The following SPSB4 variants were observed in gnomAD, a reference collection of about 807,000 sequenced individuals.
The protein encoded by SPSB4 is splA/ryanodine receptor domain and SOCS box containing 4.
A neutral mutation model predicts 20.9 loss-of-function variants in SPSB4; 21 were observed. The ratio of observed to expected loss-of-function variants is 1.01; its 90% CI spans 0.71 to 1.45. The LOEUF is 1.45. Ranked by LOEUF, SPSB4 falls within the 40% of genes most tolerant of loss-of-function variation. SPSB4 has a pLI of 0.00. For missense variants in SPSB4, 399 were observed against 399.2 expected (o/e 1.00, Z 0.00); for synonymous variants, 207 against 183.8 (o/e 1.13, Z -1.02).
intron 2 of SPSB4, among the ~76,000 whole-genome samples, chr3:141,137,343 T>C (rs1297667409): frequency 6.6e-6 from 1 of 152,224 alleles, no homozygotes; most frequent in South Asian, 2.1e-4. Context: ...TCCTGCCTGA[T>C]TGCCCTGTCC....
At chr3:141,108,165 C>A (rs974017766) in intron 2 of SPSB4, among the ~76,000 whole-genome samples, 3 of 152,026 alleles carry the variant, frequency 2.0e-5, no homozygotes, top group Non-Finnish European at 4.4e-5. Flanking sequence ...TCACCGAGCT[C>A]AGGAGCCTCT....
rs572069083 is a variant in SPSB4, at chr3:141,063,993, C to T, written c.-153-1959C>T. Among the ~76,000 whole-genome samples the T allele has an allele frequency of 9.5e-4, 145 of 152,376 alleles. 1 individual carries two copies. The highest frequency in any genetic ancestry group is 8.3e-4 in the South Asian group (4 of 4,832). On this transcript the variant is annotated intron_variant, in intron 1 of 2. Transcript: ENST00000310546. Reference sequence around the variant, plus strand: ...AACACACTGCTTCCTGTGAAGATGGCGGGTCTGTGGTTTCCTCTGTTGGCC... The same window carrying T: ...AACACACTGCTTCCTGTGAAGATGGTGGGTCTGTGGTTTCCTCTGTTGGCC...
intron 2 of SPSB4, among the ~76,000 whole-genome samples, chr3:141,088,276 C>T (rs1161468798): frequency 6.6e-6 from 1 of 152,210 alleles, no homozygotes; most frequent in African/African-American, 2.4e-5. Flanking sequence ...CTGCGTACAT[C>T]CATGCTACAA....
At chr3:141,142,203 T>G (rs147830949) in intron 2 of SPSB4, among the ~76,000 whole-genome samples, 54 of 152,374 alleles carry the variant, frequency 3.5e-4, no homozygotes, top group African/African-American at 1.1e-3. Context: ...CTCTTAGCAC[T>G]GCTTTGACTG....
intron 1 of SPSB4, among the ~76,000 whole-genome samples, chr3:141,054,004 A>G (rs551024057): frequency 6.7e-4 from 102 of 152,298 alleles, no homozygotes; most frequent in African/African-American, 2.4e-3. Context: ...TCCCCTGCCT[A>G]GAATACTTTT....
intron 2 of SPSB4, among the ~76,000 whole-genome samples, chr3:141,131,066 G>T (rs1939122583): frequency 6.6e-6 from 1 of 152,114 alleles, no homozygotes; most frequent in Non-Finnish European, 1.5e-5. Context: ...CTGGGCTGAT[G>T]GCCTGAAATA....
chr3:141,129,730 G>A (rs1319715700), intron 2 of SPSB4, among the ~76,000 whole-genome samples: 1 of 152,196 alleles, frequency 6.6e-6, no homozygotes, highest in South Asian at 2.1e-4. Flanking sequence ...TGGAACATTC[G>A]AATGGAATTT....
chr3:141,092,148 T>C (rs1318041555), intron 2 of SPSB4, among the ~76,000 whole-genome samples: 1 of 152,176 alleles, frequency 6.6e-6, no homozygotes, highest in Admixed American at 6.5e-5. Flanking sequence ...TCAGCTTCCT[T>C]TATCCCGAGC....
chr3:141,119,592 G>T (rs906221218), intron 2 of SPSB4, among the ~76,000 whole-genome samples: 1 of 152,156 alleles, frequency 6.6e-6, no homozygotes, highest in Non-Finnish European at 1.5e-5. Flanking sequence ...AATGCTTCCA[G>T]TTTTTGCCCA....
chr3:141,079,487 C>A (rs1938184973), intron 2 of SPSB4, among the ~76,000 whole-genome samples: 1 of 152,130 alleles, frequency 6.6e-6, no homozygotes, highest in Admixed American at 6.5e-5. Flanking sequence ...GTAAAGAAGC[C>A]ATTCCACTTT....
intron 1 of SPSB4, among the ~76,000 whole-genome samples, chr3:141,055,972 G>A (rs1002442060): frequency 4.6e-5 from 7 of 152,234 alleles, no homozygotes; most frequent in South Asian, 2.1e-4. Context: ...GTGTCTGCAC[G>A]GGGCTGGAGA....
intron 2 of SPSB4, among the ~76,000 whole-genome samples, chr3:141,122,971 G>A (rs1422706520): frequency 1.3e-5 from 2 of 152,202 alleles, no homozygotes; most frequent in African/African-American, 4.8e-5. Flanking sequence ...CAGTCCAAAT[G>A]AGATGAACCA....
rs549483729 is a variant in SPSB4 at position 141,100,263 on chromosome 3, A to G, written c.694+33465A>G. 1.6e-4 allele frequency among the ~76,000 whole-genome samples: 24 copies of G among 152,218 alleles called. No individual in the cohort carries two copies. The East Asian group carries it at 4.2e-3, about 27-fold the overall frequency. ...CCTAACCCCAGCACCTCAGAAAGTG[A>G]CCTCATTGGGAAATGAGGTCATTGC... is the stretch of plus-strand genomic sequence containing the variant. On this transcript the variant is annotated intron_variant, in intron 2 of 2. Coordinates refer to ENST00000310546, the MANE Select transcript of SPSB4 (RefSeq NM_080862.3).
At chr3:141,095,979 A>G (rs1002345145) in intron 2 of SPSB4, among the ~76,000 whole-genome samples, 3 of 152,054 alleles carry the variant, frequency 2.0e-5, no homozygotes, top group African/African-American at 4.8e-5. Flanking sequence ...GTCTGGGGCC[A>G]TGGGGGACAA....
chr3:141,136,191 T>G (rs1024599389), intron 2 of SPSB4, among the ~76,000 whole-genome samples: 6 of 152,170 alleles, frequency 3.9e-5, no homozygotes, highest in Non-Finnish European at 8.8e-5. Context: ...GAAGGGTTTG[T>G]TTTTTTCTTG....
At position 141,066,731 on chromosome 3, in the gene SPSB4, G is replaced by T; in HGVS notation, c.627G>T (p.Leu209=). ...VAFRGLKGKK[L]YPVVSAVWGH... is the part of the protein sequence containing the mutation. Reference sequence around the variant, plus strand: ...TCCGAGGTCTCAAGGGCAAGAAGCTGTACCCGGTGGTGAGTGCCGTGTGGG... The same window carrying T: ...TCCGAGGTCTCAAGGGCAAGAAGCTTTACCCGGTGGTGAGTGCCGTGTGGG... The change falls in exon 2 of 3, where the codon CTG becomes CTT. Residue 209 remains leucine (L), a synonymous_variant. Transcript: ENST00000310546. The T allele has an allele frequency of 6.2e-7, 1 of 1,605,998 alleles. No homozygotes were observed.
intron 2 of SPSB4, among the ~76,000 whole-genome samples, chr3:141,076,094 C>T (rs564969678): frequency 2.6e-5 from 4 of 152,050 alleles, no homozygotes; most frequent in African/African-American, 4.8e-5. Flanking sequence ...AAATAAAATG[C>T]GTATTCCTCT....
intron 2 of SPSB4, among the ~76,000 whole-genome samples, chr3:141,111,546 C>T (rs963421340): frequency 2.0e-5 from 3 of 151,752 alleles, no homozygotes; most frequent in African/African-American, 7.3e-5. Context: ...AGGAAGAGGC[C>T]TGGGCTGCGA....
intron 2 of SPSB4, among the ~76,000 whole-genome samples, chr3:141,101,588 G>A (rs567386212): frequency 6.6e-6 from 1 of 152,288 alleles, no homozygotes; most frequent in Admixed American, 6.5e-5. Context: ...GCCTCGCAAA[G>A]TTCTCCTAAG....
Sources: gnomAD v4.1 joint callset for allele counts (sites outside exome capture counted in the v4.1 genomes callset) on GRCh38, gnomAD v4.1.1 for gene constraint, MANE v1.5 for transcripts, NCBI Gene and HGNC (gene_info 2026-07-23, HGNC 2026-07-21) for gene names.